Variants in LDLRAD3 observed in about 807,000 individuals in gnomAD.
LDLRAD3 encodes the protein low-density lipoprotein receptor class A domain-containing protein 3.
Under a neutral mutation model 29.4 loss-of-function variants are expected in LDLRAD3, and 20 were observed. The observed-to-expected ratio is 0.68, with a 90% CI of 0.48 to 0.99. The LOEUF (loss-of-function observed/expected upper bound fraction) is 0.99, where lower values mean the gene tolerates loss of function less well. Ranked by LOEUF, LDLRAD3 falls within the 50% of genes least tolerant of loss-of-function variation. The probability of loss-of-function intolerance (pLI) is 0.00; values close to 1 mark genes in which losing one functional copy is unlikely to be tolerated. For missense variants in LDLRAD3, 420 were observed against 454.3 expected, an observed-to-expected ratio of 0.92 and a Z score of 0.69; for synonymous variants, 157 against 192.7, an observed-to-expected ratio of 0.81 and a Z score of 1.53.
At chr11:36,137,189 G>A (rs896219099) in intron 4 of LDLRAD3, among the ~76,000 whole-genome samples, 4 of 152,178 alleles carry the variant, frequency 2.6e-5, no homozygotes, top group African/African-American at 9.7e-5. Flanking sequence ...AACCTGAACT[G>A]AGGTTGACCA....
intron 1 of LDLRAD3, among the ~76,000 whole-genome samples, chr11:36,007,575 C>T (rs573843673): frequency 1.3e-5 from 2 of 152,252 alleles, no homozygotes; most frequent in East Asian, 1.9e-4. Context: ...GAAGGACCGG[C>T]GGCTTGGGAA....
In LDLRAD3 at chr11:35,944,788, T is replaced by G. The variant is rs1851035754; in HGVS notation, c.46+644T>G. 6.6e-6 allele frequency among the ~76,000 whole-genome samples: 1 copy of G among 152,206 alleles called. No individual in the cohort carries two copies. Among genetic ancestry groups the G allele is most frequent in the Non-Finnish European group, 1.5e-5 (1 of 68,032 alleles). ...TATTTAAGACGTCTGACCACCCTAC[T>G]TGCCCCGCGATGGGCGCCCTGACCG... On this transcript the variant is annotated intron_variant, in intron 1 of 5. Transcript: ENST00000315571. The surrounding 1 kb of genome is among the most constrained non-coding windows in gnomAD (Gnocchi z 4.9).
chr11:36,101,603 A>C (rs1853447438), intron 4 of LDLRAD3, among the ~76,000 whole-genome samples: 1 of 152,172 alleles, frequency 6.6e-6, no homozygotes, highest in Admixed American at 6.5e-5. Flanking sequence ...GAGTTCCCTT[A>C]GCTGTCTGCA....
intron 4 of LDLRAD3, among the ~76,000 whole-genome samples, chr11:36,206,716 T>C (rs1340711995): frequency 7.0e-6 from 1 of 142,978 alleles, no homozygotes; most frequent in Non-Finnish European, 1.5e-5. Flanking sequence ...GCAAGACTTG[T>C]TGATTTTACT....
intron 4 of LDLRAD3, among the ~76,000 whole-genome samples, chr11:36,136,392 T>C (rs180972680): frequency 1.3e-5 from 2 of 152,314 alleles, no homozygotes; most frequent in African/African-American, 4.8e-5. Context: ...AAATCTCACG[T>C]TGAATTGTAA....
At chr11:36,073,030 AT>A (rs1852933230) in intron 2 of LDLRAD3, among the ~76,000 whole-genome samples, 1 of 152,114 alleles carries the variant, frequency 6.6e-6, no homozygotes, top group African/African-American at 2.4e-5. Context: ...GCCTTCCTGT[AT>A]TTCGGATGCT....
intron 1 of LDLRAD3, among the ~76,000 whole-genome samples, chr11:35,996,817 G>A (rs897910123): frequency 3.9e-5 from 6 of 152,198 alleles, no homozygotes; most frequent in African/African-American, 1.4e-4. Context: ...AAATGTGCCA[G>A]CCCCTGTGCA....
At chr11:36,094,595 G>A (rs981132011) in intron 3 of LDLRAD3, among the ~76,000 whole-genome samples, 1 of 152,170 alleles carries the variant, frequency 6.6e-6, no homozygotes, top group Non-Finnish European at 1.5e-5. Context: ...GAGTGCAGTG[G>A]CACGGACTCG....
chr11:36,111,276 G>A (rs1853601113), intron 4 of LDLRAD3, among the ~76,000 whole-genome samples: 1 of 152,166 alleles, frequency 6.6e-6, no homozygotes, highest in South Asian at 2.1e-4. Context: ...GGGAATCGGG[G>A]AATCGTAGAC....
At chr11:36,185,046 G>T (rs1369061933) in intron 4 of LDLRAD3, among the ~76,000 whole-genome samples, 1 of 152,036 alleles carries the variant, frequency 6.6e-6, no homozygotes, top group Non-Finnish European at 1.5e-5. Context: ...TTTTACTCTA[G>T]AATTAGGTTT....
chr11:35,951,977 G>T (rs1851141106), intron 1 of LDLRAD3, among the ~76,000 whole-genome samples: 1 of 152,140 alleles, frequency 6.6e-6, no homozygotes, highest in Non-Finnish European at 1.5e-5. Context: ...TGTCTTCTTG[G>T]CCATCTTTCT....
chr11:36,101,902 T>C, intron 4 of LDLRAD3: 1 of 344,740 alleles, frequency 2.9e-6, no homozygotes, highest in South Asian at 2.2e-5. Context: ...TTTTTTTTTT[T>C]TTTGAGACGG....
At chr11:36,055,016 T>C in intron 2 of LDLRAD3, among the ~76,000 whole-genome samples, 2 of 87,616 alleles carry the variant, frequency 2.3e-5, no homozygotes, top group African/African-American at 4.5e-5. Flanking sequence ...GATGGATAGA[T>C]GGTTGGATGA....
intron 4 of LDLRAD3, among the ~76,000 whole-genome samples, chr11:36,100,717 C>T (rs1017375125): frequency 2.6e-5 from 4 of 152,188 alleles, no homozygotes; most frequent in African/African-American, 9.7e-5. Context: ...GATTTACAGG[C>T]GTGAGCCACT....
intron 1 of LDLRAD3, among the ~76,000 whole-genome samples, chr11:35,993,497 C>T (rs1851714582): frequency 6.6e-6 from 1 of 152,064 alleles, no homozygotes; most frequent in Non-Finnish European, 1.5e-5. Flanking sequence ...GGCTTGCTGG[C>T]TTCTAGCCCT....
intron 4 of LDLRAD3, among the ~76,000 whole-genome samples, chr11:36,152,641 A>G (rs975288198): frequency 6.6e-6 from 1 of 152,122 alleles, no homozygotes; most frequent in African/African-American, 2.4e-5. Context: ...TCTGCTTCCA[A>G]CTCCCTTTGG....
chr11:36,050,864 G>GATTTGGT (rs1420357904), intron 2 of LDLRAD3, among the ~76,000 whole-genome samples: 1 of 152,210 alleles, frequency 6.6e-6, no homozygotes, highest in African/African-American at 2.4e-5. Flanking sequence ...GGCACTGACA[G>GATTTGGT]ATTTGGTGTT....
chr11:36,037,311 A>C (rs1037859352), intron 2 of LDLRAD3, among the ~76,000 whole-genome samples: 2 of 151,878 alleles, frequency 1.3e-5, no homozygotes, highest in Non-Finnish European at 2.9e-5. Flanking sequence ...CAGGTTAATC[A>C]TTTGAACTTT....
chr11:36,109,498 G>C (rs1853577516), intron 4 of LDLRAD3, among the ~76,000 whole-genome samples: 1 of 152,188 alleles, frequency 6.6e-6, no homozygotes, highest in African/African-American at 2.4e-5. Context: ...TGTGGAACTA[G>C]AGAATCTGCC....
Sources: allele counts gnomAD v4.1 joint callset (sites outside exome capture counted in the v4.1 genomes callset), GRCh38; gene constraint gnomAD v4.1.1; non-coding constraint Gnocchi (gnomAD v3.1); transcripts MANE v1.5; gene names NCBI Gene and HGNC (gene_info 2026-07-23, HGNC 2026-07-21).